The following STK3 variants were observed in gnomAD, a reference collection of about 807,000 sequenced individuals.
STK3 encodes the protein serine/threonine kinase 3, also known as serine/threonine-protein kinase 3.
Under a neutral mutation model 58.0 loss-of-function variants are expected in STK3, and 41 were observed. The observed-to-expected ratio is 0.71, with a 90% CI of 0.55 to 0.92. The LOEUF (loss-of-function observed/expected upper bound fraction) is 0.92. Among genes scored for constraint, STK3 ranks in the 40% least tolerant of loss-of-function variants. The pLI is 0.00. For missense variants in STK3, 479 were observed against 602.7 expected, an observed-to-expected ratio of 0.79 and a Z score of 2.15; for synonymous variants, 170 against 191.0, an observed-to-expected ratio of 0.89 and a Z score of 0.91.
upstream of STK3, among the ~76,000 whole-genome samples, chr8:98,826,942 G>T (rs1438788906): frequency 7.5e-6 from 1 of 133,920 alleles, no homozygotes; most frequent in Non-Finnish European, 1.5e-5. Flanking sequence ...AGAATCACTT[G>T]AACCCGGGAG....
intron 9 of STK3, among the ~76,000 whole-genome samples, chr8:98,539,894 C>T (rs908972452): frequency 6.6e-6 from 1 of 152,162 alleles, no homozygotes; most frequent in East Asian, 1.9e-4. Flanking sequence ...GCTGGGATTA[C>T]AGGTGCATGC....
chr8:98,379,731 G>GA (rs2130999392), intron 1 of STK3, among the ~76,000 whole-genome samples: 1 of 152,266 alleles, frequency 6.6e-6, no homozygotes, highest in East Asian at 1.9e-4. Context: ...GTTCATTGTA[G>GA]AAAATTGGAA....
chr8:98,405,801 G>A (rs1586550015), intron 3 of STK3, among the ~76,000 whole-genome samples: 1 of 152,160 alleles, frequency 6.6e-6, no homozygotes, highest in African/African-American at 2.4e-5. Flanking sequence ...ATGGCAGCAG[G>A]CAAACAGAGA....
chr8:98,502,468 A>G (rs1156841366), intron 10 of STK3, among the ~76,000 whole-genome samples: 3 of 152,208 alleles, frequency 2.0e-5, no homozygotes, highest in Admixed American at 6.5e-5. Flanking sequence ...AAGAGAGGGC[A>G]TCCCTGTCTT....
At chr8:98,892,718 A>G (rs746479728) in intron 1 of STK3, among the ~76,000 whole-genome samples, 2 of 152,130 alleles carry the variant, frequency 1.3e-5, no homozygotes, top group Non-Finnish European at 1.5e-5. Flanking sequence ...ATCTGACTCT[A>G]ATTCTTTCTG....
chr8:98,460,865 A>T (rs1370694990), intron 10 of STK3, among the ~76,000 whole-genome samples: 1 of 152,200 alleles, frequency 6.6e-6, no homozygotes, highest in East Asian at 1.9e-4. Context: ...AGAACTATGA[A>T]TCAACTCGAT....
chr8:98,364,118 C>G, the STK3 span, among the ~76,000 whole-genome samples: 1 of 152,128 alleles, frequency 6.6e-6, no homozygotes, highest in Non-Finnish European at 1.5e-5. Flanking sequence ...CCTGGGGTTC[C>G]TGGAGGCATC....
intron 6 of STK3, among the ~76,000 whole-genome samples, chr8:98,679,895 G>A (rs1403714281): frequency 2.0e-5 from 3 of 152,086 alleles, no homozygotes; most frequent in Admixed American, 2.0e-4. Flanking sequence ...AGCCTAAAAG[G>A]GAGCATCTAG....
chr8:98,692,977 G>T (rs1036607681), intron 6 of STK3, among the ~76,000 whole-genome samples: 2 of 152,072 alleles, frequency 1.3e-5, no homozygotes, highest in Non-Finnish European at 2.9e-5. Context: ...AATTTATGCA[G>T]ATATAATTAA....
chr8:98,908,250 C>A (rs1838990280), intron 1 of STK3, among the ~76,000 whole-genome samples: 1 of 152,198 alleles, frequency 6.6e-6, no homozygotes, highest in South Asian at 2.1e-4. Context: ...GAAAAATGTT[C>A]TCTTATCAAC....
At chr8:98,889,485 GT>G (rs1288268683) in intron 1 of STK3, among the ~76,000 whole-genome samples, 1 of 152,120 alleles carries the variant, frequency 6.6e-6, no homozygotes, top group Admixed American at 6.5e-5. Flanking sequence ...CTCTGTAATT[GT>G]CCCCCACCAG....
intron 1 of STK3, among the ~76,000 whole-genome samples, chr8:98,893,564 G>A (rs1838340868): frequency 1.3e-5 from 2 of 149,966 alleles, no homozygotes; most frequent in African/African-American, 4.9e-5. Context: ...GAAAGAGAGA[G>A]GGAGGGAGGA....
At chr8:98,907,416 G>A (rs540230581) in intron 1 of STK3, among the ~76,000 whole-genome samples, 1 of 151,908 alleles carries the variant, frequency 6.6e-6, no homozygotes, top group East Asian at 1.9e-4. Flanking sequence ...GGGAGGCTAA[G>A]GCAGGAGAAT....
upstream of STK3, among the ~76,000 whole-genome samples, chr8:98,391,853 A>T (rs1817850886): frequency 6.6e-6 from 1 of 152,048 alleles, no homozygotes; most frequent in Non-Finnish European, 1.5e-5. Context: ...GTGCCTAAAG[A>T]CTCATCTTAG....
chr8:98,697,695 T>C (rs926157986), intron 6 of STK3, among the ~76,000 whole-genome samples: 1 of 152,236 alleles, frequency 6.6e-6, no homozygotes, highest in Admixed American at 6.5e-5. Context: ...TCCTGAGTTC[T>C]AGTTTGATTG....
intron 4 of STK3, among the ~76,000 whole-genome samples, chr8:98,712,788 T>TA (rs554540067): frequency 2.7e-3 from 417 of 152,282 alleles, no homozygotes; most frequent in African/African-American, 8.6e-3. Flanking sequence ...GCGGACCTAA[T>TA]AGACATCTAC....
intron 10 of STK3, among the ~76,000 whole-genome samples, chr8:98,502,662 CAT>C (rs1412384130): frequency 6.6e-6 from 1 of 152,196 alleles, no homozygotes; most frequent in Non-Finnish European, 1.5e-5. Flanking sequence ...TTGAGATAAT[CAT>C]GTGGTTTTTG....
At chr8:98,464,887 T>C (rs1820345053) in intron 10 of STK3, among the ~76,000 whole-genome samples, 1 of 152,170 alleles carries the variant, frequency 6.6e-6, no homozygotes, top group African/African-American at 2.4e-5. Context: ...TATCCTGTTC[T>C]GAGCTGAGAG....
At chr8:98,401,125 A>G (rs1468911383), downstream of STK3, among the ~76,000 whole-genome samples, 2 of 152,138 alleles carry the variant, frequency 1.3e-5, no homozygotes, top group Non-Finnish European at 2.9e-5. Context: ...ATGGACAGCC[A>G]CGTAAGAAGT....
Sources: allele counts gnomAD v4.1 joint callset (sites outside exome capture counted in the v4.1 genomes callset), GRCh38; gene constraint gnomAD v4.1.1; transcripts MANE v1.5; gene names NCBI Gene and HGNC (gene_info 2026-07-23, HGNC 2026-07-21).